The following EGFLAM variants were observed in gnomAD, a reference collection of about 807,000 sequenced individuals.
The protein encoded by EGFLAM is pikachurin.
Under a neutral mutation model 113.1 loss-of-function variants are expected in EGFLAM, and 79 were observed. The ratio of observed to expected loss-of-function variants is 0.70; its 90% confidence interval spans 0.58 to 0.84. The LOEUF is 0.84. Among genes scored for constraint, EGFLAM ranks in the 40% least tolerant of loss-of-function variants. The probability of loss-of-function intolerance (pLI) is 0.00; values close to 1 mark genes in which losing one functional copy is unlikely to be tolerated. For synonymous variants in EGFLAM, 504 were observed against 487.6 expected, an observed-to-expected ratio of 1.03 and a Z score of -0.44; for missense variants, 1,265 against 1,291.6, an observed-to-expected ratio of 0.98 and a Z score of 0.32.
chr5:38,292,194 T>C (rs1244006782), intron 1 of EGFLAM, among the ~76,000 whole-genome samples: 5 of 152,208 alleles, frequency 3.3e-5, no homozygotes, highest in Non-Finnish European at 7.3e-5. Context: ...CAATGTCTTA[T>C]CACATTACTT....
chr5:38,303,670 C>T (rs79290710), intron 1 of EGFLAM, among the ~76,000 whole-genome samples: 1,840 of 152,282 alleles, frequency 0.012, 44 homozygotes, highest in African/African-American at 0.042. Flanking sequence ...TGGGTTTCTG[C>T]TCAAATGTTG....
chr5:38,358,520 G>A (rs1157443437), intron 5 of EGFLAM, among the ~76,000 whole-genome samples: 1 of 151,094 alleles, frequency 6.6e-6, no homozygotes, highest in Non-Finnish European at 1.5e-5. Flanking sequence ...TTATTTGCTA[G>A]TTTTGATGAT....
At chr5:38,284,218 C>A (rs1287210264) in intron 1 of EGFLAM, 1 of 152,216 alleles carries the variant, frequency 6.6e-6, no homozygotes, top group Non-Finnish European at 1.5e-5. Flanking sequence ...TCTACTGTGG[C>A]AAGGTTCCAG....
In EGFLAM at chr5:38,262,015, C is replaced by G. The variant is rs1055607674; in HGVS notation, c.97+3164C>G. On this transcript the variant is annotated intron_variant, in intron 1 of 21. Coordinates refer to ENST00000322350, the MANE Select transcript of EGFLAM (RefSeq NM_152403.4). ...CACCACTCATTGGATAGCCTTCATT[C>G]CTTTTCAGACTACAAATTAGAATCA... Among the ~76,000 whole-genome samples the G allele has an allele frequency of 2.0e-5, 3 of 152,308 alleles. No individual in the cohort carries two copies. In the South Asian group the frequency reaches 6.2e-4, roughly 32 times the overall value.
chr5:38,335,442 T>C (rs534473385), intron 1 of EGFLAM, among the ~76,000 whole-genome samples: 1 of 152,216 alleles, frequency 6.6e-6, no homozygotes, highest in South Asian at 2.1e-4. Flanking sequence ...TCCTGTGGGG[T>C]TCCTTCTTTA....
chr5:38,411,483 C>CTTTTTTTTTTTTT, intron 10 of EGFLAM, among the ~76,000 whole-genome samples: 1 of 113,418 alleles, frequency 8.8e-6, no homozygotes, highest in Non-Finnish European at 1.7e-5. Context: ...TCATTAATTT[C>CTTTTTTTTTTTTT]TTTTTTTTTT....
At chr5:38,351,797 A>G (rs1246241254) in intron 4 of EGFLAM, among the ~76,000 whole-genome samples, 1 of 152,170 alleles carries the variant, frequency 6.6e-6, no homozygotes, top group Non-Finnish European at 1.5e-5. Flanking sequence ...CCTTGAAGGT[A>G]AATATCAGTT....
At chr5:38,329,707 C>CT (rs1468468295) in intron 1 of EGFLAM, among the ~76,000 whole-genome samples, 3 of 152,182 alleles carry the variant, frequency 2.0e-5, no homozygotes, top group African/African-American at 7.2e-5. Flanking sequence ...GCCTGGGACC[C>CT]TTTTCCCATT....
At chr5:38,347,405 A>G (rs1292630391) in intron 3 of EGFLAM, among the ~76,000 whole-genome samples, 1 of 152,198 alleles carries the variant, frequency 6.6e-6, no homozygotes, top group Non-Finnish European at 1.5e-5. Context: ...AAATCAACTG[A>G]TAATTAAAAT....
intron 1 of EGFLAM, among the ~76,000 whole-genome samples, chr5:38,302,783 A>G (rs1472033131): frequency 6.6e-6 from 1 of 151,990 alleles, no homozygotes; most frequent in Admixed American, 6.5e-5. Flanking sequence ...AGTAGACCAT[A>G]TAGATTTTTC....
At chr5:38,322,293 G>A (rs993366802) in intron 1 of EGFLAM, among the ~76,000 whole-genome samples, 2 of 152,314 alleles carry the variant, frequency 1.3e-5, no homozygotes, top group Admixed American at 6.5e-5. Flanking sequence ...ACCAGGAAAA[G>A]GGCTCGGGAC....
At chr5:38,269,981 G>C (rs1283419532) in intron 1 of EGFLAM, among the ~76,000 whole-genome samples, 1 of 152,186 alleles carries the variant, frequency 6.6e-6, no homozygotes, top group Non-Finnish European at 1.5e-5. Flanking sequence ...ATGGATAAGA[G>C]CATGATCATT....
intron 5 of EGFLAM, among the ~76,000 whole-genome samples, chr5:38,358,077 G>T (rs556500763): frequency 2.7e-5 from 4 of 150,902 alleles, no homozygotes; most frequent in Non-Finnish European, 5.9e-5. Flanking sequence ...GAGCCCAAGA[G>T]TTCTAGGCTA....
chr5:38,459,774 TGG>T (rs1332602010), intron 20 of EGFLAM, among the ~76,000 whole-genome samples: 7 of 49,364 alleles, frequency 1.4e-4, no homozygotes, highest in African/African-American at 1.3e-3. Flanking sequence ...CCCCAACCCC[TGG>T]CTGCTGGGCC....
chr5:38,385,222 T>TA (rs1314128849), intron 6 of EGFLAM, among the ~76,000 whole-genome samples: 9 of 149,630 alleles, frequency 6.0e-5, no homozygotes, highest in African/African-American at 2.2e-4. Flanking sequence ...CACACAAACA[T>TA]AAACAGTCAT....
chr5:38,438,480 G>T, intron 17 of EGFLAM, 25 bp downstream of exon 17: 1 of 1,548,262 alleles, frequency 6.5e-7, no homozygotes, highest in Non-Finnish European at 8.7e-7. Context: ...CTGAGGCACA[G>T]CTCCCTGGAG....
intron 1 of EGFLAM, among the ~76,000 whole-genome samples, chr5:38,318,435 T>C (rs1215386283): frequency 3.3e-5 from 5 of 151,460 alleles, no homozygotes; most frequent in Non-Finnish European, 7.4e-5. Context: ...ATGCTATATA[T>C]ACTATAGTAT....
rs538230802 is a variant in EGFLAM at position 38,438,459 on chromosome 5, C to T, written c.2464+4C>T. ...GAGGGGCTTCACTGCCAGAAAGGTA[C>T]GCTCAGGGGTCTGAGGCACAGCTCC... On this transcript the variant is annotated splice_donor_region_variant and intron_variant, in intron 17 of 21. Coordinates refer to ENST00000322350, the MANE Select transcript of EGFLAM (RefSeq NM_152403.4). The T allele has an allele frequency of 5.6e-5, 90 of 1,596,136 alleles. No individual in the cohort carries two copies. The highest frequency in any genetic ancestry group is 5.0e-4 in the Middle Eastern group (3 of 5,960).
rs375955532 is a variant in EGFLAM, at chr5:38,306,204, A to G, written c.98-31316A>G. The stretch of plus-strand genomic sequence containing the variant: ...TTGATTATAAAAGTGGAAAAGTTCT[A>G]GGCCTAATGAATAGAAATCTTACCT... On this transcript the variant is annotated intron_variant, in intron 1 of 21. Coordinates refer to ENST00000322350, the MANE Select transcript of EGFLAM (RefSeq NM_152403.4). Among the ~76,000 whole-genome samples, 227 of 152,346 alleles carry G rather than the reference A, an allele frequency of 1.5e-3. 5 individuals are homozygous for G. In the South Asian group the frequency reaches 0.045, roughly 30 times the overall value.
Sources: gnomAD v4.1 joint callset for allele counts (sites outside exome capture counted in the v4.1 genomes callset) on GRCh38, gnomAD v4.1.1 for gene constraint, MANE v1.5 for transcripts, NCBI Gene and HGNC (gene_info 2026-07-23, HGNC 2026-07-21) for gene names.